SPEF2: variants seen among roughly 807,000 people sequenced by gnomAD.
The protein encoded by SPEF2 is sperm flagellar and cilia associated 2, also known as sperm flagella and cilia-associated protein 2.
A neutral mutation model predicts 224.6 loss-of-function variants in SPEF2; 187 were observed. The ratio of observed to expected loss-of-function variants is 0.83; its 90% CI spans 0.74 to 0.94. SPEF2 has a LOEUF of 0.94. Ranked by LOEUF, SPEF2 falls within the 40% of genes least tolerant of loss-of-function variation. The pLI, the probability that SPEF2 is intolerant of heterozygous loss-of-function variation, is 0.00. For missense variants in SPEF2, 2,170 were observed against 2,135.6 expected (o/e 1.02, Z -0.32); for synonymous variants, 715 against 707.3 (o/e 1.01, Z -0.17).
chr5:35,753,583 C>T, intron 23 of SPEF2, 41 bp from the exon 24 acceptor site: 1 of 1,610,848 alleles, frequency 6.2e-7, no homozygotes, highest in Non-Finnish European at 8.5e-7. Flanking sequence ...ATTTGAGCAG[C>T]AATCTAAAGC....
intron 23 of SPEF2, among the ~76,000 whole-genome samples, chr5:35,741,139 T>G (rs1207137226): frequency 6.6e-6 from 1 of 152,214 alleles, no homozygotes; most frequent in Non-Finnish European, 1.5e-5. Context: ...TTTGTATCCT[T>G]GTGTCCAGGA....
chr5:35,708,668 G>T (rs369981766), intron 18 of SPEF2, among the ~76,000 whole-genome samples: 11 of 692 alleles, frequency 0.016, no homozygotes, highest in Admixed American at 0.03. Flanking sequence ...ACTACCACCA[G>T]CACCATCACC....
At chr5:35,769,826 C>A (rs1752545180) in intron 26 of SPEF2, among the ~76,000 whole-genome samples, 1 of 152,088 alleles carries the variant, frequency 6.6e-6, no homozygotes, top group Admixed American at 6.6e-5. Flanking sequence ...ATGCCTTATT[C>A]ATTTTTCTAT....
chr5:35,810,459 C>A (rs1961426), intron 36 of SPEF2, among the ~76,000 whole-genome samples: 1 of 151,908 alleles, frequency 6.6e-6, no homozygotes, highest in Non-Finnish European at 1.5e-5. Context: ...GCGATCCACC[C>A]GCCTCAGCCT....
intron 10 of SPEF2, among the ~76,000 whole-genome samples, chr5:35,683,407 T>C (rs906968276): frequency 1.3e-5 from 2 of 152,114 alleles, no homozygotes; most frequent in African/African-American, 4.8e-5. Flanking sequence ...GGTGGATCGT[T>C]TGAGTTCAGG....
chr5:35,705,615 A>C, intron 17 of SPEF2, 36 bp from the exon 18 acceptor site: 3 of 1,458,782 alleles, frequency 2.1e-6, no homozygotes, highest in Admixed American at 2.6e-5. Context: ...TCTTTTGATC[A>C]GTATGAGATA....
chr5:35,687,817 AT>A lies in SPEF2; in HGVS notation c.1525-3215del, dbSNP rs1753860498. Among the ~76,000 whole-genome samples, 2 of 152,116 alleles carry A rather than the reference AT, an allele frequency of 1.3e-5. 1 individual carries two copies. The highest frequency in any genetic ancestry group is 4.1e-4 in the South Asian group (2 of 4,830). On this transcript the variant is annotated intron_variant, in intron 10 of 36. Transcript: ENST00000356031. Reference sequence around the variant, plus strand: ...TTTTATCTCACCCTCTATTCAAGTCATTTTTCTTAATAGTCAAATTTTGAAG... The same window carrying A: ...TTTTATCTCACCCTCTATTCAAGTCATTTTCTTAATAGTCAAATTTTGAAG...
At chr5:35,650,226 A>G (rs1747987250) in intron 6 of SPEF2, among the ~76,000 whole-genome samples, 1 of 152,202 alleles carries the variant, frequency 6.6e-6, no homozygotes, top group South Asian at 2.1e-4. Flanking sequence ...TAAGGAAGAA[A>G]TGATGAAGTC....
intron 2 of SPEF2, 133 bp downstream of exon 2, chr5:35,628,695 A>G (rs1180484026): frequency 3.3e-6 from 2 of 597,536 alleles, no homozygotes; most frequent in African/African-American, 1.9e-5. Flanking sequence ...GGGATAAAGC[A>G]ATCCTCTTGC....
At chr5:35,651,650 G>A (rs189379686) in intron 6 of SPEF2, among the ~76,000 whole-genome samples, 2 of 152,274 alleles carry the variant, frequency 1.3e-5, no homozygotes, top group African/African-American at 4.8e-5. Context: ...CTGAATCTTA[G>A]CTTAGAATCA....
At chr5:35,784,370 C>T (rs1336629719) in intron 30 of SPEF2, among the ~76,000 whole-genome samples, 1 of 152,266 alleles carries the variant, frequency 6.6e-6, no homozygotes, top group African/African-American at 2.4e-5. Flanking sequence ...CCTCGCGATC[C>T]GCCCGCCTCA....
chr5:35,661,281 TATATATATATATATATA>T (rs1749695532), intron 8 of SPEF2, among the ~76,000 whole-genome samples: 2 of 71,568 alleles, frequency 2.8e-5, no homozygotes, highest in African/African-American at 5.7e-5. Flanking sequence ...TATATATATA[TATATATATATATATATA>T]TTATACACAC....
chr5:35,682,534 A>G (rs1385273060), intron 10 of SPEF2, among the ~76,000 whole-genome samples: 1 of 152,230 alleles, frequency 6.6e-6, no homozygotes, highest in Non-Finnish European at 1.5e-5. Context: ...CATCTGGGAC[A>G]TATCAGGCCA....
intron 19 of SPEF2, 92 bp from the exon 20 acceptor site, chr5:35,712,720 C>A: frequency 8.0e-7 from 1 of 1,244,870 alleles, no homozygotes; most frequent in Non-Finnish European, 1.2e-6. Context: ...AACTGTTTAC[C>A]TATGGGAAAT....
chr5:35,759,854 A>AT (rs1750980762), intron 25 of SPEF2, 135 bp downstream of exon 25: 6 of 796,204 alleles, frequency 7.5e-6, no homozygotes, highest in East Asian at 3.2e-5. Context: ...ATAACCAAAC[A>AT]TGTTTTTTTT....
At chr5:35,754,329 G>T (rs1489014746) in intron 24 of SPEF2, among the ~76,000 whole-genome samples, 2 of 152,208 alleles carry the variant, frequency 1.3e-5, no homozygotes, top group Non-Finnish European at 1.5e-5. Context: ...CAATAGGGGA[G>T]AAAGCACAAA....
intron 2 of SPEF2, among the ~76,000 whole-genome samples, chr5:35,636,378 G>A (rs532835256): frequency 7.6e-4 from 116 of 152,226 alleles, no homozygotes; most frequent in Non-Finnish European, 1.4e-3. Flanking sequence ...GTCAGCCAAA[G>A]GTGAGAGATT....
intron 15 of SPEF2, chr5:35,699,630 T>G (rs977489919): frequency 3.9e-5 from 6 of 152,322 alleles, no homozygotes; most frequent in South Asian, 2.1e-4. Flanking sequence ...AGTACAAGTA[T>G]CCAGTACTTG....
chr5:35,711,416 A>T (rs1001239444), intron 19 of SPEF2, among the ~76,000 whole-genome samples: 1 of 152,192 alleles, frequency 6.6e-6, no homozygotes, highest in Admixed American at 6.6e-5. Flanking sequence ...TCCTTCCATT[A>T]TACTTGGGAT....
Sources: gnomAD v4.1 joint callset for allele counts (sites outside exome capture counted in the v4.1 genomes callset) on GRCh38, gnomAD v4.1.1 for gene constraint, MANE v1.5 for transcripts, NCBI Gene and HGNC (gene_info 2026-07-23, HGNC 2026-07-21) for gene names.